Variants in VPS13B observed in about 807,000 individuals in gnomAD.
VPS13B encodes vacuolar protein sorting 13 homolog B, also known as intermembrane lipid transfer protein VPS13B.
VPS13B carries 285 observed loss-of-function variants against 426.4 expected under a neutral mutation model. The observed-to-expected ratio is 0.67, with a 90% CI of 0.61 to 0.74. The LOEUF is 0.74. Among genes scored for constraint, VPS13B ranks in the 30% least tolerant of loss-of-function variants. VPS13B has a pLI of 0.00. For missense variants in VPS13B, 4,537 were observed against 4,782.6 expected (o/e 0.95, Z 1.51); for synonymous variants, 1,676 against 1,676.4 (o/e 1.00, Z 0.01).
intron 3 of VPS13B, among the ~76,000 whole-genome samples, chr8:99,082,182 T>C (rs1845516510): frequency 6.6e-6 from 1 of 152,234 alleles, no homozygotes; most frequent in South Asian, 2.1e-4. Context: ...TATCTCATTG[T>C]GGTTTTGATT....
At chr8:99,755,556 G>A (rs1810599483) in intron 39 of VPS13B, among the ~76,000 whole-genome samples, 1 of 152,172 alleles carries the variant, frequency 6.6e-6, no homozygotes, top group Admixed American at 6.5e-5. Context: ...GATCACCTGA[G>A]GTCAGGAGTT....
intron 34 of VPS13B, among the ~76,000 whole-genome samples, chr8:99,644,672 T>A (rs534945290): frequency 6.6e-6 from 1 of 152,314 alleles, no homozygotes; most frequent in Admixed American, 6.5e-5. Flanking sequence ...ATGCATCTAC[T>A]TGAACATTTA....
At chr8:99,821,231 G>T in intron 49 of VPS13B, 63 bp from the exon 50 acceptor site, 1 of 1,535,846 alleles carries the variant, frequency 6.5e-7, no homozygotes, top group Non-Finnish European at 8.9e-7. Flanking sequence ...AAATCCTGAG[G>T]ATTGAAGTAA....
chr8:99,201,359 G>C (rs1814311716), intron 17 of VPS13B, among the ~76,000 whole-genome samples: 1 of 152,076 alleles, frequency 6.6e-6, no homozygotes, highest in Non-Finnish European at 1.5e-5. Context: ...CTAAGAATTT[G>C]AAAAGACTAG....
At chr8:99,420,538 T>G (rs1406062483) in intron 21 of VPS13B, among the ~76,000 whole-genome samples, 1 of 152,134 alleles carries the variant, frequency 6.6e-6, no homozygotes. Context: ...TTCATCCAAT[T>G]CTATCTAATT....
rs373961851 is a variant in VPS13B, at chr8:99,136,649, A to T, written c.1564-16A>T. 1.3e-4 allele frequency: 206 copies of T among 1,613,064 alleles called. No individual in the cohort carries two copies. The highest frequency in any genetic ancestry group is 1.6e-4 in the Non-Finnish European group (190 of 1,179,368). On this transcript the variant is annotated splice_polypyrimidine_tract_variant and intron_variant, in intron 11 of 61. Transcript: ENST00000357162. ...TTTATACAATGTTTATTCTGTTTGC[A>T]TTGCTTTGTTGGCAGGAGACATACA...
At chr8:99,429,221 A>G (rs1179553391) in intron 21 of VPS13B, among the ~76,000 whole-genome samples, 5 of 151,766 alleles carry the variant, frequency 3.3e-5, no homozygotes, top group African/African-American at 1.2e-4. Flanking sequence ...CATGGCACAT[A>G]TATACATATG....
In VPS13B at chr8:99,087,853, A is replaced by T. The variant is rs78612319; in HGVS notation, c.292-8459A>T. On this transcript the variant is annotated intron_variant, in intron 3 of 61. Coordinates refer to ENST00000357162, the MANE Select transcript of VPS13B (RefSeq NM_152564.5). ...CTTTCCTGTGCACATATATAATTGTATGTCATGCCTTTACTAGAAATACCA... is the reference window on the plus strand; with the variant it reads ...CTTTCCTGTGCACATATATAATTGTTTGTCATGCCTTTACTAGAAATACCA... 1.5e-3 allele frequency among the ~76,000 whole-genome samples: 223 copies of T among 152,154 alleles called. 1 individual carries two copies. Among genetic ancestry groups the T allele is most frequent in the African/African-American group, 5.1e-3 (212 of 41,508 alleles).
intron 19 of VPS13B, among the ~76,000 whole-genome samples, chr8:99,357,312 T>G (rs1320701099): frequency 6.6e-6 from 1 of 152,230 alleles, no homozygotes; most frequent in East Asian, 1.9e-4. Flanking sequence ...ATGTCAGGTA[T>G]TATTTGTAAT....
In VPS13B at chr8:99,507,887, T is replaced by G. The variant is rs779176548; in HGVS notation, c.4224+684T>G. The G allele has an allele frequency of 3.9e-5, 63 of 1,613,992 alleles. No homozygotes were observed. Among genetic ancestry groups the G allele is most frequent in the Non-Finnish European group, 5.2e-5 (61 of 1,179,978 alleles). On this transcript the variant is annotated intron_variant, in intron 28 of 61. Coordinates refer to ENST00000357162, the MANE Select transcript of VPS13B (RefSeq NM_152564.5). ...CCATCAGCAAGCAGGACCCTTTCAG[T>G]AATTGCTCTGGCTTCTTTCCTTCTG...
At chr8:99,528,198 G>A (rs973671391) in intron 30 of VPS13B, among the ~76,000 whole-genome samples, 5 of 151,940 alleles carry the variant, frequency 3.3e-5, no homozygotes, top group Admixed American at 2.0e-4. Context: ...CTATGTGTAA[G>A]CAGTTTGACT....
At chr8:99,870,724 G>A in intron 59 of VPS13B, 61 bp from the exon 60 acceptor site, 1 of 1,482,504 alleles carries the variant, frequency 6.7e-7, no homozygotes, top group Non-Finnish European at 9.4e-7. Context: ...TGACATCATT[G>A]CAGCATGAAA....
intron 19 of VPS13B, among the ~76,000 whole-genome samples, chr8:99,312,491 T>C (rs572512732): frequency 2.6e-5 from 4 of 152,358 alleles, no homozygotes; most frequent in African/African-American, 9.6e-5. Context: ...ATGTTGAATA[T>C]TGGCCCCCAC....
intron 56 of VPS13B, among the ~76,000 whole-genome samples, chr8:99,858,503 T>C (rs1390014747): frequency 6.6e-6 from 1 of 152,152 alleles, no homozygotes; most frequent in Admixed American, 6.5e-5. Flanking sequence ...CTGGCCTACA[T>C]GGTGAATCCC....
intron 55 of VPS13B, 127 bp downstream of exon 55, chr8:99,849,021 A>T: frequency 2.2e-6 from 2 of 905,442 alleles, no homozygotes; most frequent in Admixed American, 3.7e-5. Flanking sequence ...CATGTAATCC[A>T]TAAAAAATAT....
chr8:99,378,681 C>T (rs748715127), intron 19 of VPS13B, among the ~76,000 whole-genome samples: 5 of 152,152 alleles, frequency 3.3e-5, no homozygotes, highest in African/African-American at 9.7e-5. Flanking sequence ...CCTGACTTCC[C>T]GCAACAATAC....
chr8:99,552,532 A>G (rs1464477259), intron 30 of VPS13B, among the ~76,000 whole-genome samples: 2 of 149,160 alleles, frequency 1.3e-5, no homozygotes, highest in Non-Finnish European at 3.0e-5. Flanking sequence ...ATCTTGGAAC[A>G]TTGCTTTTTA....
intron 36 of VPS13B, among the ~76,000 whole-genome samples, chr8:99,710,849 A>AG (rs1046409285): frequency 2.6e-5 from 4 of 151,578 alleles, no homozygotes; most frequent in Admixed American, 1.3e-4. Flanking sequence ...AAAAAAAAAA[A>AG]AAAAAATCAG....
chr8:99,216,457 C>G (rs1000781117), intron 17 of VPS13B, among the ~76,000 whole-genome samples: 1 of 151,520 alleles, frequency 6.6e-6, no homozygotes, highest in Non-Finnish European at 1.5e-5. Flanking sequence ...CTTTTCTTTT[C>G]TAGAGGAACA....
Sources: allele counts gnomAD v4.1 joint callset (sites outside exome capture counted in the v4.1 genomes callset), GRCh38; gene constraint gnomAD v4.1.1; transcripts MANE v1.5; gene names NCBI Gene and HGNC (gene_info 2026-07-23, HGNC 2026-07-21).